The following ANTXR1 variants were observed in gnomAD, a reference collection of about 807,000 sequenced individuals.
ANTXR1 encodes ANTXR cell adhesion molecule 1.
In ANTXR1, 19 loss-of-function variants were observed where a neutral mutation model predicts 78.1. That is an observed-to-expected ratio of 0.24 (90% CI 0.17 to 0.36). The LOEUF (loss-of-function observed/expected upper bound fraction) is 0.36, where lower values mean the gene tolerates loss of function less well. ANTXR1 is among the 10% of genes least tolerant of loss of function. The pLI, the probability that ANTXR1 is intolerant of heterozygous loss-of-function variation, is 1.00. For synonymous variants in ANTXR1, 273 were observed against 260.5 expected, an observed-to-expected ratio of 1.05 and a Z score of -0.46; for missense variants, 518 against 718.6, an observed-to-expected ratio of 0.72 and a Z score of 3.19.
chr2:69,022,663 G>A (rs1027635852), intron 1 of ANTXR1, among the ~76,000 whole-genome samples: 3 of 152,184 alleles, frequency 2.0e-5, no homozygotes, highest in African/African-American at 7.2e-5. Flanking sequence ...CGTGTATTTT[G>A]GAAAAGCTTC....
intron 15 of ANTXR1, among the ~76,000 whole-genome samples, 180 bp from the exon 16 acceptor site, chr2:69,182,313 C>A (rs191682883): frequency 2.0e-5 from 3 of 152,228 alleles, no homozygotes; most frequent in Non-Finnish European, 2.9e-5. Context: ...CAGCTCTCTG[C>A]TCCTTTGGTC....
intron 3 of ANTXR1, among the ~76,000 whole-genome samples, chr2:69,045,124 G>A (rs895778662): frequency 6.6e-6 from 1 of 152,092 alleles, no homozygotes; most frequent in East Asian, 1.9e-4. Context: ...CCATATTATT[G>A]GGGGACTATA....
chr2:69,154,262 G>A (rs1452698273), intron 13 of ANTXR1, among the ~76,000 whole-genome samples: 1 of 152,164 alleles, frequency 6.6e-6, no homozygotes, highest in Non-Finnish European at 1.5e-5. Flanking sequence ...GACTTTGTAA[G>A]TCGTGAAGGA....
intron 10 of ANTXR1, among the ~76,000 whole-genome samples, chr2:69,114,775 C>T (rs566143121): frequency 1.3e-5 from 2 of 152,276 alleles, no homozygotes; most frequent in South Asian, 4.2e-4. Context: ...AAAACCTGGA[C>T]CCATTCAAGC....
At chr2:69,068,926 G>A (rs1164955397) in intron 3 of ANTXR1, among the ~76,000 whole-genome samples, 1 of 152,184 alleles carries the variant, frequency 6.6e-6, no homozygotes, top group Non-Finnish European at 1.5e-5. Flanking sequence ...ATGATGGTGA[G>A]AGGAAGGAAA....
chr2:69,069,391 A>G (rs1191519993), intron 3 of ANTXR1, among the ~76,000 whole-genome samples: 2 of 152,152 alleles, frequency 1.3e-5, no homozygotes, highest in Non-Finnish European at 2.9e-5. Flanking sequence ...TAACAATAGT[A>G]CTACTGCAAA....
At chr2:69,137,490 CT>C (rs1052805855) in intron 12 of ANTXR1, among the ~76,000 whole-genome samples, 1 of 152,086 alleles carries the variant, frequency 6.6e-6, no homozygotes, top group Non-Finnish European at 1.5e-5. Flanking sequence ...GTTGAGCACC[CT>C]GGTTCAGTGA....
chr2:69,027,015 TGC>T (rs1283165172), intron 1 of ANTXR1, among the ~76,000 whole-genome samples: 4 of 152,198 alleles, frequency 2.6e-5, no homozygotes, highest in African/African-American at 9.6e-5. Context: ...TCAACTCTGT[TGC>T]CAAATTGTAA....
Position 69,090,846 on chromosome 2 carries a change from C to T in ANTXR1, c.643-13C>T. 1 of 1,612,674 alleles carries T rather than the reference C, an allele frequency of 6.2e-7. No homozygotes were observed. On this transcript the variant is annotated splice_polypyrimidine_tract_variant and intron_variant, in intron 8 of 17. Transcript: ENST00000303714. ...AAGCTGTGCATTGACTCTTTTATTT[C>T]CGCTCCTCCTAGATTTTGAAGAAGT...
In ANTXR1 at chr2:69,054,031, T is replaced by C. The variant is rs551706297; in HGVS notation, c.296+9218T>C. Among the ~76,000 whole-genome samples the C allele has an allele frequency of 9.2e-5, 14 of 152,338 alleles. No individual in the cohort carries two copies. In the South Asian group the frequency reaches 2.7e-3, roughly 29 times the overall value. The stretch of plus-strand genomic sequence containing the variant: ...ATGTACATATATATGCGTATGTGTT[T>C]ATATCTAAATATAATCTTTTATTAA... On this transcript the variant is annotated intron_variant, in intron 3 of 17. Transcript: ENST00000303714.
At chr2:69,155,885 A>C (rs1457287616) in intron 13 of ANTXR1, among the ~76,000 whole-genome samples, 1 of 152,148 alleles carries the variant, frequency 6.6e-6, no homozygotes, top group Non-Finnish European at 1.5e-5. Flanking sequence ...AGCAATGGGG[A>C]CTGGCTGCCC....
chr2:69,045,235 C>A (rs1283392594), intron 3 of ANTXR1, among the ~76,000 whole-genome samples: 1 of 151,888 alleles, frequency 6.6e-6, no homozygotes, highest in African/African-American at 2.4e-5. Flanking sequence ...TCATAATTAC[C>A]CAGGAAGGGA....
chr2:69,065,072 A>C (rs577629828), intron 3 of ANTXR1, among the ~76,000 whole-genome samples: 1 of 152,300 alleles, frequency 6.6e-6, no homozygotes, highest in African/African-American at 2.4e-5. Context: ...ATAATACAGA[A>C]AATCACAAAG....
intron 1 of ANTXR1, among the ~76,000 whole-genome samples, chr2:69,027,638 G>GTGTT (rs1399084479): frequency 4.5e-5 from 6 of 133,492 alleles, no homozygotes; most frequent in African/African-American, 1.8e-4. Context: ...GTGTGTGTGT[G>GTGTT]TATGTGTGTG....
Position 69,181,889 on chromosome 2 carries a change from G to A in ANTXR1, c.1185+8G>A. 6.2e-7 allele frequency: 1 copy of A among 1,613,618 alleles called. No homozygotes were observed. The highest frequency in any genetic ancestry group is 8.5e-7 in the Non-Finnish European group (1 of 1,179,632). On this transcript the variant is annotated splice_region_variant and intron_variant, in intron 15 of 17. Transcript: ENST00000303714. ...GGCATTAAAAGAATGGAGGTAAGAG[G>A]ACAGCTTCATATACACTTATCTATG...
At chr2:69,030,374 C>T (rs986834885) in intron 1 of ANTXR1, among the ~76,000 whole-genome samples, 9 of 152,166 alleles carry the variant, frequency 5.9e-5, no homozygotes, top group Non-Finnish European at 5.9e-5. Flanking sequence ...ATCTAATAAC[C>T]ATATCTACCA....
chr2:69,131,709 G>A (rs1465965678), intron 12 of ANTXR1, among the ~76,000 whole-genome samples: 1 of 152,150 alleles, frequency 6.6e-6, no homozygotes, highest in Admixed American at 6.5e-5. Context: ...GGTCATACTG[G>A]TACCATGATG....
At chr2:69,135,790 T>C (rs1672891965) in intron 12 of ANTXR1, among the ~76,000 whole-genome samples, 1 of 152,124 alleles carries the variant, frequency 6.6e-6, no homozygotes, top group Admixed American at 6.5e-5. Flanking sequence ...ACAGGAGGTT[T>C]CTATACAATT....
chr2:69,160,175 G>C (rs890451510), intron 13 of ANTXR1, among the ~76,000 whole-genome samples: 2 of 152,128 alleles, frequency 1.3e-5, no homozygotes, highest in African/African-American at 4.8e-5. Flanking sequence ...TTAGCACACA[G>C]AGCTCTGCCA....
Sources: allele counts gnomAD v4.1 joint callset (sites outside exome capture counted in the v4.1 genomes callset), GRCh38; gene constraint gnomAD v4.1.1; transcripts MANE v1.5; gene names NCBI Gene and HGNC (gene_info 2026-07-23, HGNC 2026-07-21).